The following DACH2 variants were observed in gnomAD, a reference collection of about 807,000 sequenced individuals.
DACH2 encodes dachshund family transcription factor 2.
A neutral mutation model predicts 35.8 loss-of-function variants in DACH2; 17 were observed. The ratio of observed to expected loss-of-function variants is 0.48; its 90% CI spans 0.33 to 0.71. The LOEUF (loss-of-function observed/expected upper bound fraction) is 0.71. DACH2 is among the 30% of genes least tolerant of loss of function. DACH2 has a pLI of 0.02. For synonymous variants in DACH2, 195 were observed against 177.3 expected (o/e 1.10, Z -0.79); for missense variants, 469 against 472.7 (o/e 0.99, Z 0.07).
chrX:86,530,841 G>A (rs992575463), intron 3 of DACH2, among the ~76,000 whole-genome samples: 16 of 111,773 alleles, frequency 1.4e-4, no homozygotes, highest in Admixed American at 4.8e-4. Flanking sequence ...GAGACTTGTT[G>A]AATGGTTGTG....
At chrX:86,812,541 T>C (rs1193889900) in intron 7 of DACH2, among the ~76,000 whole-genome samples, 1 of 111,994 alleles carries the variant, frequency 8.9e-6, no homozygotes, top group Non-Finnish European at 1.9e-5. Context: ...TGCTTGTTTT[T>C]CCAGGAAGTG....
intron 2 of DACH2, among the ~76,000 whole-genome samples, chrX:86,445,308 T>C (rs2037242965): frequency 1.3e-5 from 1 of 78,102 alleles, no homozygotes; most frequent in Non-Finnish European, 2.3e-5. Context: ...AATTGAACAA[T>C]GAGATCACAT....
chrX:86,400,089 C>CT (rs1278135398), intron 2 of DACH2, among the ~76,000 whole-genome samples: 1 of 111,168 alleles, frequency 9.0e-6, no homozygotes, highest in African/African-American at 3.3e-5. Context: ...TCTTTTTATT[C>CT]TTTTTTCTCT....
At chrX:86,347,639 T>C (rs1181086792) in intron 1 of DACH2, among the ~76,000 whole-genome samples, 2 of 112,948 alleles carry the variant, frequency 1.8e-5, no homozygotes, top group African/African-American at 6.4e-5. Context: ...AGCTTGTTCG[T>C]TTATATAACC....
At chrX:86,554,173 AGT>A (rs1278917267) in intron 3 of DACH2, among the ~76,000 whole-genome samples, 1 of 111,411 alleles carries the variant, frequency 9.0e-6, no homozygotes. Flanking sequence ...TTGATGCTTT[AGT>A]TGGATTTTGT....
At chrX:86,693,883 T>C (rs1339995153) in intron 4 of DACH2, among the ~76,000 whole-genome samples, 1 of 111,913 alleles carries the variant, frequency 8.9e-6, no homozygotes, top group Non-Finnish European at 1.9e-5. Flanking sequence ...AGACTGCTTA[T>C]AATGTAAAAA....
intron 3 of DACH2, among the ~76,000 whole-genome samples, chrX:86,515,902 G>A (rs569091954): frequency 8.9e-6 from 1 of 112,268 alleles, no homozygotes; most frequent in East Asian, 2.8e-4. Context: ...AATATTGAGG[G>A]CCTGAAGGCA....
rs146896461 is a variant in DACH2, at chrX:86,301,691, T to A, written c.489-75133T>A. ...AAAAAATGTAATTACACTAATAAATTAATAACAGTAGTAAAATGACAGTCA... is the reference window on the plus strand; with the variant it reads ...AAAAAATGTAATTACACTAATAAATAAATAACAGTAGTAAAATGACAGTCA... On this transcript the variant is annotated intron_variant, in intron 1 of 11. Coordinates refer to ENST00000373125, the MANE Select transcript of DACH2 (RefSeq NM_053281.3). 5.1e-3 allele frequency among the ~76,000 whole-genome samples: 577 copies of A among 112,046 alleles called. 4 individuals are homozygous for A. Among genetic ancestry groups the A allele is most frequent in the Middle Eastern group, 9.1e-3 (2 of 219 alleles).
intron 1 of DACH2, among the ~76,000 whole-genome samples, chrX:86,202,084 T>G (rs1413525464): frequency 8.9e-6 from 1 of 111,934 alleles, no homozygotes; most frequent in Non-Finnish European, 1.9e-5. Context: ...TAAGCTACTT[T>G]AAGGCAGAAA....
In DACH2 at chrX:86,238,304, A is replaced by G. The variant is rs139348440; in HGVS notation, c.488+89196A>G. Among the ~76,000 whole-genome samples, 963 of 111,765 alleles carry G rather than the reference A, an allele frequency of 8.6e-3. 4 individuals are homozygous for G. The highest frequency in any genetic ancestry group is 0.013 in the Non-Finnish European group (679 of 53,190). On this transcript the variant is annotated intron_variant, in intron 1 of 11. Coordinates refer to ENST00000373125, the MANE Select transcript of DACH2 (RefSeq NM_053281.3). ...TCTGGCAATCCAGGGTGATATTTTA[A>G]ATAGTGGCATTGTTCTTGATTTTGT...
chrX:86,357,251 T>C (rs2035658506), intron 1 of DACH2, among the ~76,000 whole-genome samples: 1 of 112,621 alleles, frequency 8.9e-6, no homozygotes, highest in Middle Eastern at 4.2e-3. Context: ...AAAGTTATAT[T>C]CTGTATTTGC....
chrX:86,458,138 A>G (rs1397621274), intron 2 of DACH2, among the ~76,000 whole-genome samples: 1 of 111,859 alleles, frequency 8.9e-6, no homozygotes, highest in East Asian at 2.8e-4. Flanking sequence ...TGCTCTTTTT[A>G]TCTTCTCTGA....
intron 6 of DACH2, among the ~76,000 whole-genome samples, chrX:86,735,539 C>T (rs756401555): frequency 1.8e-5 from 2 of 111,296 alleles, no homozygotes; most frequent in East Asian, 2.8e-4. Context: ...TAGCATTTTC[C>T]GTAACAACTT....
intron 3 of DACH2, among the ~76,000 whole-genome samples, chrX:86,569,980 A>G: frequency 8.9e-6 from 1 of 112,084 alleles, no homozygotes; most frequent in Middle Eastern, 4.6e-3. Flanking sequence ...CAACAAACAT[A>G]TGAAAAAAAG....
intron 2 of DACH2, among the ~76,000 whole-genome samples, chrX:86,410,984 TAGTC>T (rs1304417144): frequency 4.8e-5 from 4 of 83,371 alleles, no homozygotes; most frequent in South Asian, 6.7e-4. Flanking sequence ...GTACATGTAT[TAGTC>T]AGGGTTCTCT....
intron 2 of DACH2, among the ~76,000 whole-genome samples, chrX:86,401,467 C>T (rs188145307): frequency 6.2e-4 from 69 of 112,068 alleles, no homozygotes; most frequent in Non-Finnish European, 8.3e-4. Context: ...TCTTCTGTGT[C>T]GCTCACGCTG....
intron 3 of DACH2, among the ~76,000 whole-genome samples, chrX:86,557,506 G>A (rs2039149892): frequency 2.2e-5 from 2 of 90,956 alleles, no homozygotes; most frequent in Non-Finnish European, 4.4e-5. Context: ...GATGGGGATG[G>A]CATTGAATCT....
In DACH2 at chrX:86,554,372, A is replaced by G. The variant is rs184132726; in HGVS notation, c.640+39981A>G. 2.7e-5 allele frequency among the ~76,000 whole-genome samples: 3 copies of G among 111,695 alleles called. No individual in the cohort carries two copies. The Admixed American group carries it at 2.9e-4, about 11-fold the overall frequency. On this transcript the variant is annotated intron_variant, in intron 3 of 11. Coordinates refer to ENST00000373125, the MANE Select transcript of DACH2 (RefSeq NM_053281.3). ...TTGTGTTTTAGTCTCAAGATTTTAA[A>G]TGGTCACTCGTTTTATTATTAAGTT... is the stretch of plus-strand genomic sequence containing the variant.
intron 2 of DACH2, among the ~76,000 whole-genome samples, chrX:86,449,957 TC>T (rs1289697531): frequency 1.5e-4 from 17 of 112,014 alleles, no homozygotes; most frequent in African/African-American, 5.2e-4. Context: ...CTATGTATAT[TC>T]TTTTACCAGC....
Sources: gnomAD v4.1 joint callset for allele counts (sites outside exome capture counted in the v4.1 genomes callset) on GRCh38, gnomAD v4.1.1 for gene constraint, MANE v1.5 for transcripts, NCBI Gene and HGNC (gene_info 2026-07-23, HGNC 2026-07-21) for gene names.